Variants in CCDC154 observed in about 807,000 individuals in gnomAD.
CCDC154 encodes coiled-coil domain-containing protein 154.
CCDC154 carries 91 observed loss-of-function variants against 87.5 expected under a neutral mutation model. The observed-to-expected ratio is 1.04, with a 90% CI of 0.88 to 1.24. The LOEUF (loss-of-function observed/expected upper bound fraction) is 1.24, where lower values mean the gene tolerates loss of function less well. Among genes scored for constraint, CCDC154 ranks in the 50% most tolerant of loss-of-function variants. CCDC154 has a pLI of 0.00. For missense variants in CCDC154, 903 were observed against 879.2 expected (o/e 1.03, Z -0.34); for synonymous variants, 418 against 400.4 (o/e 1.04, Z -0.52).
chr16:1,443,454 C>G lies in CCDC154; in HGVS notation c.414+52G>C. 4.2e-6 allele frequency: 6 copies of G among 1,434,108 alleles called. No homozygotes were observed. The South Asian group carries it at 8.9e-5, about 21-fold the overall frequency. 88.8% of individuals were successfully genotyped at this position (1,434,108 alleles called of 1,614,324 possible). ...GGCTCCAGGCCCAGAAGCAGCTGCCCCCAACACCCAGGAAAGGGGCAGCTC... is the reference window on the plus strand; with the variant it reads ...GGCTCCAGGCCCAGAAGCAGCTGCCGCCAACACCCAGGAAAGGGGCAGCTC... On this transcript the variant is annotated intron_variant, in intron 3 of 16. Transcript: ENST00000389176.
intron 6 of CCDC154, among the ~76,000 whole-genome samples, chr16:1,441,007 T>C (rs2038547499): frequency 6.6e-6 from 1 of 150,424 alleles, no homozygotes; most frequent in Admixed American, 6.6e-5. Flanking sequence ...CAGTCACAGC[T>C]ACTGGGAAGG....
intron 6 of CCDC154, 176 bp from the exon 7 acceptor site, chr16:1,439,302 T>C (rs1190332128): frequency 1.6e-6 from 1 of 617,008 alleles, no homozygotes; most frequent in African/African-American, 1.8e-5. Context: ...GCAGGACCAC[T>C]CTGTACCCAG....
chr16:1,442,792 G>A (rs1260226804), intron 5 of CCDC154, 88 bp downstream of exon 5: 8 of 1,340,500 alleles, frequency 6.0e-6, no homozygotes, highest in Non-Finnish European at 8.2e-6. Flanking sequence ...GGGACACACG[G>A]CAGGGGGACC....
At position 1,443,827 on chromosome 16, in the gene CCDC154, T is replaced by C. The variant is rs747948049; in HGVS notation, c.193A>G (p.Thr65Ala). 3.8e-6 allele frequency: 5 copies of C among 1,304,470 alleles called. No homozygotes were observed. The South Asian group carries it at 6.2e-5, about 16-fold the overall frequency. The allele number at this position is 1,304,470 out of a possible 1,614,324, so 80.8% of individuals were successfully genotyped here. A position where few individuals can be genotyped will look rare whatever the true frequency, so the allele number is the denominator to read the frequency against. The change falls in exon 2 of 17, where the codon ACC becomes GCC. Residue 65 changes from threonine (T) to alanine (A), a missense_variant. Physicochemically the swap from Thr to Ala is moderately conservative, Grantham distance 58. Transcript: ENST00000389176. ...TSTASVPEQD[T>A]AKHWNQLEQW... Reference sequence around the variant, plus strand: ...TCCAGCTGGTTCCAGTGCTTGGCGGTGTCCTGCTCGGGGACAGAGGCCGTG... The same window carrying C: ...TCCAGCTGGTTCCAGTGCTTGGCGGCGTCCTGCTCGGGGACAGAGGCCGTG...
At position 1,435,819 on chromosome 16, in the gene CCDC154, C is replaced by T. The variant is rs2038496708; in HGVS notation, c.1605+150G>A. 4 of 678,360 alleles carry T rather than the reference C, an allele frequency of 5.9e-6. No homozygotes were observed. The Admixed American group carries it at 7.7e-5, about 13-fold the overall frequency. The allele number at this position is 678,360 out of a possible 1,614,324, so 42.0% of individuals were successfully genotyped here. A position where few individuals can be genotyped will look rare whatever the true frequency, so the allele number is the denominator to read the frequency against. The stretch of plus-strand genomic sequence containing the variant: ...GGAATTATGGGTGTAAGCCACCCCG[C>T]CTGGCCTCCGACAGGTGGTTTTCTG... On this transcript the variant is annotated intron_variant, in intron 14 of 16. Transcript: ENST00000389176.
Position 1,443,548 on chromosome 16 carries a change from C to T in CCDC154, c.372G>A (p.Glu124=). 6.8e-7 allele frequency: 1 copy of T among 1,480,916 alleles called. No homozygotes were observed. Among genetic ancestry groups the T allele is most frequent in the South Asian group, 1.3e-5 (1 of 77,974 alleles). The allele number at this position is 1,480,916 out of a possible 1,614,324, so 91.7% of individuals were successfully genotyped here. The part of the protein sequence containing the change: ...QGSELRQLQQ[E]ARPAAQAPEK... ...CGGGGGCCTGGGCTGCCGGCCGCGCCTCCTGCTGCAACTGCCTCAGCTCTG... is the reference window on the plus strand; with the variant it reads ...CGGGGGCCTGGGCTGCCGGCCGCGCTTCCTGCTGCAACTGCCTCAGCTCTG... The change falls in exon 3 of 17, where the codon GAG becomes GAA. Residue 124 remains glutamate (E), a synonymous_variant. Transcript: ENST00000389176.
chr16:1,434,948 T>G, intron 15 of CCDC154, 96 bp from the exon 16 acceptor site: 1 of 1,423,416 alleles, frequency 7.0e-7, no homozygotes, highest in East Asian at 2.5e-5. Context: ...CTGGAAGCCA[T>G]TTATCTTCAG....
chr16:1,444,262 C>A (rs1293885766), intron 1 of CCDC154, 54 bp downstream of exon 1: 1 of 1,295,118 alleles, frequency 7.7e-7, no homozygotes, highest in Admixed American at 2.3e-5. Context: ...GCGGTCCCCA[C>A]CCTCACACCT....
At position 1,438,632 on chromosome 16, in the gene CCDC154, C is replaced by T. The variant is rs1291736155; in HGVS notation, c.1012G>A (p.Glu338Lys). 35 of 1,549,984 alleles carry T rather than the reference C, an allele frequency of 2.3e-5. No homozygotes were observed. Among genetic ancestry groups the T allele is most frequent in the Middle Eastern group, 1.7e-4 (1 of 5,988 alleles). ...CAGGACACCCACCAGGCTTTCTCCT[C>T]GGCCAGTAGGACACGGTTCAGCGAC... ...QASLNRVLLA[E>K]EKAWDAKGRL... is the part of the protein sequence containing the mutation. The change falls in exon 9 of 17, where the codon GAG (glutamate) becomes AAG (lysine). Residue 338 changes from glutamate (E) to lysine (K), a missense_variant. Transcript: ENST00000389176.
At chr16:1,443,716 C>A (rs1209173928) in intron 2 of CCDC154, 21 bp from the exon 3 acceptor site, 4 of 1,297,668 alleles carry the variant, frequency 3.1e-6, no homozygotes, top group Non-Finnish European at 4.0e-6. Context: ...CGAGAGTGGG[C>A]GAGTCTGGCG....
At chr16:1,443,450 T>C in intron 3 of CCDC154, 56 bp downstream of exon 3, 1 of 1,430,616 alleles carries the variant, frequency 7.0e-7, no homozygotes, top group Non-Finnish European at 9.1e-7. Flanking sequence ...CAGAAGCAGC[T>C]GCCCCCAACA....
At chr16:1,434,645 G>C in intron 16 of CCDC154, 23 bp downstream of exon 16, 1 of 1,492,812 alleles carries the variant, frequency 6.7e-7, no homozygotes, top group Non-Finnish European at 9.0e-7. Flanking sequence ...CCAGGAGGCC[G>C]CGCCGGGATC....
rs1248542659 is a variant in CCDC154, at chr16:1,443,726, G to A, written c.225-31C>T. 9.2e-6 allele frequency: 12 copies of A among 1,301,216 alleles called. No individual in the cohort carries two copies. In the East Asian group the frequency reaches 2.1e-4, roughly 23 times the overall value. The allele number at this position is 1,301,216 out of a possible 1,614,324, so 80.6% of individuals were successfully genotyped here. ...CGGGGCGAGAGTGGGCGAGTCTGGC[G>A]GTGCCCGCCGTGGAGGCGGAGGCGG... On this transcript the variant is annotated intron_variant, in intron 2 of 16. Coordinates refer to ENST00000389176, the MANE Select transcript of CCDC154 (RefSeq NM_001143980.3).
chr16:1,436,370 G>T, intron 13 of CCDC154, 75 bp downstream of exon 13: 1 of 1,240,438 alleles, frequency 8.1e-7, no homozygotes, highest in Non-Finnish European at 1.1e-6. Context: ...ATTGTGGAGA[G>T]TAGCGTGGGG....
At chr16:1,443,119 C>T in intron 4 of CCDC154, 142 bp downstream of exon 4, 2 of 1,367,020 alleles carry the variant, frequency 1.5e-6, no homozygotes, top group Non-Finnish European at 2.0e-6. Context: ...ACAAACCCGG[C>T]CTTTTCTAGC....
rs1408009271 is a variant in CCDC154 at position 1,438,674 on chromosome 16, C to G, written c.970G>C (p.Val324Leu). 1 of 1,550,152 alleles carries G rather than the reference C, an allele frequency of 6.5e-7. No homozygotes were observed. Among genetic ancestry groups the G allele is most frequent in the Admixed American group, 2.0e-5 (1 of 50,998 alleles). ...DAAVAQLTKF[V>L]QQNQASLNRV... is the part of the protein sequence containing the mutation. Reference sequence around the variant, plus strand: ...TTCAGCGACGCCTGGTTCTGCTGCACAAACTTGGTCAGCTGGGCCACGGCA... The same window carrying G: ...TTCAGCGACGCCTGGTTCTGCTGCAGAAACTTGGTCAGCTGGGCCACGGCA... Residue 324 changes from valine to leucine, a missense_variant, in exon 9 of 17, where the codon GTG becomes CTG. By Grantham distance (32) the Val-to-Leu change is conservative. Coordinates refer to ENST00000389176, the MANE Select transcript of CCDC154 (RefSeq NM_001143980.3).
At chr16:1,440,105 C>A (rs528361060) in intron 6 of CCDC154, among the ~76,000 whole-genome samples, 1 of 147,584 alleles carries the variant, frequency 6.8e-6, no homozygotes, top group Non-Finnish European at 1.5e-5. Flanking sequence ...TGAGATCATG[C>A]CACTGTAACT....
chr16:1,440,295 A>G (rs928855256), intron 6 of CCDC154, among the ~76,000 whole-genome samples: 2 of 151,824 alleles, frequency 1.3e-5, no homozygotes, highest in African/African-American at 4.8e-5. Context: ...TAAAAATACA[A>G]AAAATTTAGC....
rs915605307 is a variant in CCDC154, at chr16:1,436,134, A to C, written c.1488-48T>G. On this transcript the variant is annotated intron_variant, in intron 13 of 16. Coordinates refer to ENST00000389176, the MANE Select transcript of CCDC154 (RefSeq NM_001143980.3). ...CTGGCTGTCGGGTGTGCTCGGGGGTAGGGCCAGGACCGGGGACAAAGGCCA... is the reference window on the plus strand; with the variant it reads ...CTGGCTGTCGGGTGTGCTCGGGGGTCGGGCCAGGACCGGGGACAAAGGCCA... The C allele has an allele frequency of 5.4e-6, 8 of 1,487,348 alleles. No individual in the cohort carries two copies. The African/African-American group carries it at 1.1e-4, about 21-fold the overall frequency. 92.1% of individuals were successfully genotyped at this position (1,487,348 alleles called of 1,614,324 possible).
Sources: gnomAD v4.1 joint callset for allele counts (sites outside exome capture counted in the v4.1 genomes callset) on GRCh38, gnomAD v4.1.1 for gene constraint, MANE v1.5 for transcripts, NCBI Gene and HGNC (gene_info 2026-07-23, HGNC 2026-07-21) for gene names.